Variants in HELZ observed in about 807,000 individuals in gnomAD.
The protein encoded by HELZ is ATP-dependent RNA helicase with zinc finger domain.
A neutral mutation model predicts 218.2 loss-of-function variants in HELZ; 23 were observed. The ratio of observed to expected loss-of-function variants is 0.11; its 90% CI spans 0.08 to 0.15. The LOEUF is 0.15. Ranked by LOEUF, HELZ falls within the 10% of genes least tolerant of loss-of-function variation. The pLI is 1.00. For synonymous variants in HELZ, 814 were observed against 829.4 expected, an observed-to-expected ratio of 0.98 and a Z score of 0.32; for missense variants, 1,813 against 2,353.7, an observed-to-expected ratio of 0.77 and a Z score of 4.75.
intron 28 of HELZ, among the ~76,000 whole-genome samples, chr17:67,111,784 A>ATCTG (rs2037287437): frequency 6.6e-6 from 1 of 151,560 alleles, no homozygotes; most frequent in African/African-American, 2.4e-5. Context: ...ATGTCTCAGA[A>ATCTG]CCTGATTAAG....
At chr17:67,143,378 T>C (rs1482252691) in intron 21 of HELZ, among the ~76,000 whole-genome samples, 1 of 151,992 alleles carries the variant, frequency 6.6e-6, no homozygotes, top group Non-Finnish European at 1.5e-5. Flanking sequence ...GAAGCCGAGG[T>C]GAGAGGATCG....
intron 15 of HELZ, among the ~76,000 whole-genome samples, chr17:67,164,068 T>C (rs1024032632): frequency 2.0e-5 from 3 of 152,200 alleles, no homozygotes; most frequent in Admixed American, 6.5e-5. Flanking sequence ...ACTTTTCTTC[T>C]TTAAACTCGA....
chr17:67,193,344 C>CAAAAAAAAAAAAAAAAAA (rs34516607), intron 9 of HELZ, among the ~76,000 whole-genome samples: 1 of 91,902 alleles, frequency 1.1e-5, no homozygotes, highest in Non-Finnish European at 2.2e-5. Context: ...GACTCTGTCT[C>CAAAAAAAAAAAAAAAAAA]AAAAAAAAAA....
chr17:67,160,270 C>G lies in HELZ; in HGVS notation c.2168G>C (p.Arg723Thr), dbSNP rs777873054. 5.6e-6 allele frequency: 9 copies of G among 1,596,764 alleles called. No homozygotes were observed. Among genetic ancestry groups the G allele is most frequent in the Admixed American group, 3.3e-5 (2 of 59,964 alleles). ...PYVEAGNPQARPLRVYFRNRW... is the reference protein window; with the variant it reads ...PYVEAGNPQATPLRVYFRNRW... The stretch of plus-strand genomic sequence containing the variant: ...GCCTTAAAAAAAATACCTGAGAGGT[C>G]TTGCCTGGGGATTGCCTGCTTCTAC... The change falls in exon 17 of 33, where the codon AGA becomes ACA. Residue 723 changes from arginine to threonine, a missense_variant. Around this residue, in one of 4 missense-constraint regions of HELZ, gnomAD observed 714 missense variants for 1,029.2 expected, o/e 0.69. Transcript: ENST00000358691.
chr17:67,174,414 G>A (rs2039396740), intron 13 of HELZ, among the ~76,000 whole-genome samples: 1 of 152,158 alleles, frequency 6.6e-6, no homozygotes, highest in Non-Finnish European at 1.5e-5. Flanking sequence ...ATGGGTTCAA[G>A]TGATCCTCCT....
chr17:67,086,935 G>T lies in HELZ; in HGVS notation c.5388C>A (p.Phe1796Leu). ...CCCAGGACTCCGGGGATGAAAAGTT[G>T]AAAGAAGATTGGTTACTGTGGTCCT... Reference protein sequence around the residue: ...ELQDHSNQSSFNFSSPESWVN... With the variant: ...ELQDHSNQSSLNFSSPESWVN... Residue 1796 changes from phenylalanine to leucine, a missense_variant, in exon 32 of 33, where the codon TTC becomes TTA. Phe to Leu is a conservative substitution (Grantham distance 22). Around this residue, in one of 4 missense-constraint regions of HELZ, gnomAD observed 938 missense variants for 1,027.5 expected, o/e 0.91. Coordinates refer to ENST00000358691, the MANE Select transcript of HELZ (RefSeq NM_014877.4). 6.2e-7 allele frequency: 1 copy of T among 1,613,794 alleles called. No individual in the cohort carries two copies. The highest frequency in any genetic ancestry group is 8.5e-7 in the Non-Finnish European group (1 of 1,179,992).
chr17:67,233,163 G>C (rs927237156), intron 3 of HELZ, among the ~76,000 whole-genome samples: 11 of 152,164 alleles, frequency 7.2e-5, no homozygotes, highest in Non-Finnish European at 1.2e-4. Context: ...AACCAGCCTG[G>C]CCAACATGGT....
intron 24 of HELZ, among the ~76,000 whole-genome samples, chr17:67,124,311 G>A: frequency 6.6e-6 from 1 of 152,144 alleles, no homozygotes; most frequent in East Asian, 1.9e-4. Flanking sequence ...CAATCAACAT[G>A]ATTTAAATTT....
intron 3 of HELZ, among the ~76,000 whole-genome samples, chr17:67,231,320 G>A (rs2041029891): frequency 6.6e-6 from 1 of 152,070 alleles, no homozygotes; most frequent in African/African-American, 2.4e-5. Flanking sequence ...ATGGCTGGGT[G>A]TGGTGGCTCA....
At chr17:67,204,286 TCTC>T (rs1230033288) in intron 5 of HELZ, among the ~76,000 whole-genome samples, 11 of 152,296 alleles carry the variant, frequency 7.2e-5, no homozygotes, top group East Asian at 5.8e-4. Context: ...GAATATATCT[TCTC>T]CTATTATTAC....
rs1268133608 is a variant in HELZ at position 67,109,675 on chromosome 17, T to C, written c.3930A>G (p.Glu1310=). ...CAGGACTTCTGTTCTGTGGATTTGA[T>C]TCCAAATCAACCTAGAAAAAAAGAA... ...KPTEPKQVDL[E]SNPQNRSPES... The change falls in exon 29 of 33, where the codon GAA becomes GAG. Residue 1310 remains glutamate, a synonymous_variant. Coordinates refer to ENST00000358691, the MANE Select transcript of HELZ (RefSeq NM_014877.4). 1 of 1,602,818 alleles carries C rather than the reference T, an allele frequency of 6.2e-7. No individual in the cohort carries two copies. Among genetic ancestry groups the C allele is most frequent in the Non-Finnish European group, 8.5e-7 (1 of 1,173,106 alleles).
chr17:67,094,185 G>T (rs1037437030), intron 31 of HELZ, among the ~76,000 whole-genome samples: 1 of 152,130 alleles, frequency 6.6e-6, no homozygotes, highest in Non-Finnish European at 1.5e-5. Flanking sequence ...AGCTGGGTGT[G>T]GTGGCATGCA....
At position 67,086,836 on chromosome 17, in the gene HELZ, C is replaced by T; in HGVS notation, c.5487G>A (p.Glu1829=). The T allele has an allele frequency of 6.2e-7, 1 of 1,613,560 alleles. No individual in the cohort carries two copies. ...CCACCAACTCTGTCTTACCTATCAA[C>T]TCTCTGGGCTGAGCTGTCCTGCTGG... ...NGSSRTAQPR[E]LIAPPKTVKP... The change falls in exon 32 of 33, where the codon GAG becomes GAA. Residue 1829 remains glutamate (E), a synonymous_variant. Coordinates refer to ENST00000358691, the MANE Select transcript of HELZ (RefSeq NM_014877.4).
Position 67,114,359 on chromosome 17 carries a change from G to A in HELZ, c.3883C>T (p.Arg1295Ter), listed in dbSNP as rs1371930432. Reference sequence around the variant, plus strand: ...TCTGTTGGCTTTTTCTCTGGTGTTCGAATCTTATTAATTTCAGGTCCGGAA... The same window carrying A: ...TCTGTTGGCTTTTTCTCTGGTGTTCAAATCTTATTAATTTCAGGTCCGGAA... ...NNSGPEINKIRTPEKKPTEPK... is the reference protein window; with the variant it reads ...NNSGPEINKI Residue 1295 changes from arginine (R) to a stop codon, truncating the protein, a stop_gained, in exon 28 of 33, where the codon CGA becomes TGA. Coordinates refer to ENST00000358691, the MANE Select transcript of HELZ (RefSeq NM_014877.4). LOFTEE classifies it high-confidence loss of function. 2 of 1,610,938 alleles carry A rather than the reference G, an allele frequency of 1.2e-6. No homozygotes were observed. Among genetic ancestry groups the A allele is most frequent in the Non-Finnish European group, 1.7e-6 (2 of 1,177,398 alleles).
chr17:67,234,431 G>A (rs1208349285), intron 3 of HELZ, among the ~76,000 whole-genome samples: 1 of 150,686 alleles, frequency 6.6e-6, no homozygotes, highest in Non-Finnish European at 1.5e-5. Flanking sequence ...CCTTTCCATG[G>A]CCACCAACTC....
chr17:67,105,774 T>C (rs1466545541), intron 31 of HELZ, among the ~76,000 whole-genome samples: 1 of 152,232 alleles, frequency 6.6e-6, no homozygotes, highest in Admixed American at 6.5e-5. Flanking sequence ...TACATATATG[T>C]AGATACCAAT....
chr17:67,124,899 G>A (rs2143851952), intron 24 of HELZ, among the ~76,000 whole-genome samples: 1 of 152,008 alleles, frequency 6.6e-6, no homozygotes, highest in African/African-American at 2.4e-5. Flanking sequence ...CTTCCCATGG[G>A]CTAAAAGTAA....
intron 21 of HELZ, 80 bp from the exon 22 acceptor site, chr17:67,138,194 T>C (rs1412051079): frequency 1.7e-6 from 2 of 1,194,082 alleles, no homozygotes; most frequent in Non-Finnish European, 2.2e-6. Flanking sequence ...AAAACTGATT[T>C]ATAAAGGATC....
At chr17:67,168,875 T>C (rs1430028947) in intron 13 of HELZ, among the ~76,000 whole-genome samples, 1 of 152,154 alleles carries the variant, frequency 6.6e-6, no homozygotes, top group Admixed American at 6.5e-5. Flanking sequence ...GCAGATCACC[T>C]GAGGGGGGCA....
Sources: gnomAD v4.1 joint callset for allele counts (sites outside exome capture counted in the v4.1 genomes callset) on GRCh38, gnomAD v4.1.1 for gene constraint, gnomAD v4.1.1 regional missense constraint, MANE v1.5 for transcripts, NCBI Gene and HGNC (gene_info 2026-07-23, HGNC 2026-07-21) for gene names.